The following CTIF variants were observed in gnomAD, a reference collection of about 807,000 sequenced individuals.
CTIF encodes CBP80/20-dependent translation initiation factor.
CTIF carries 21 observed loss-of-function variants against 66.0 expected under a neutral mutation model. The ratio of observed to expected loss-of-function variants is 0.32; its 90% confidence interval spans 0.23 to 0.46. The LOEUF (loss-of-function observed/expected upper bound fraction) is 0.46. CTIF is among the 20% of genes least tolerant of loss of function. CTIF has a pLI of 1.00. For synonymous variants in CTIF, 345 were observed against 326.4 expected (o/e 1.06, Z -0.62); for missense variants, 739 against 812.7 (o/e 0.91, Z 1.10).
chr18:48,684,359 G>A (rs544053468), intron 6 of CTIF, among the ~76,000 whole-genome samples: 45 of 152,104 alleles, frequency 3.0e-4, no homozygotes, highest in Admixed American at 5.2e-4. Flanking sequence ...CAAGTGACCC[G>A]TTCCATTCCT....
intron 2 of CTIF, among the ~76,000 whole-genome samples, chr18:48,624,822 G>A (rs1363141705): frequency 6.6e-6 from 1 of 152,202 alleles, no homozygotes; most frequent in Non-Finnish European, 1.5e-5. Context: ...GGAACCCTAT[G>A]AAGATACATT....
chr18:48,804,236 A>C (rs1218876186), intron 9 of CTIF, among the ~76,000 whole-genome samples: 4 of 152,212 alleles, frequency 2.6e-5, no homozygotes, highest in Non-Finnish European at 4.4e-5. Flanking sequence ...GAACTCAAGC[A>C]AACTTGTCCC....
chr18:48,784,560 G>A (rs1911540870), intron 9 of CTIF, among the ~76,000 whole-genome samples: 1 of 152,068 alleles, frequency 6.6e-6, no homozygotes, highest in African/African-American at 2.4e-5. Flanking sequence ...CTCCTGGTTG[G>A]CATCTTTGGC....
At chr18:48,615,350 A>C (rs11875657) in intron 1 of CTIF, among the ~76,000 whole-genome samples, 2 of 152,166 alleles carry the variant, frequency 1.3e-5, no homozygotes, top group East Asian at 3.9e-4. Context: ...TGTGACTGAG[A>C]TGAAGCTTGG....
intron 10 of CTIF, among the ~76,000 whole-genome samples, chr18:48,839,212 T>A (rs2068882637): frequency 6.6e-6 from 1 of 152,108 alleles, no homozygotes; most frequent in African/African-American, 2.4e-5. Flanking sequence ...CTGTTCTCAG[T>A]CTCACCCTGC....
chr18:48,801,570 A>G (rs1256439756), intron 9 of CTIF, among the ~76,000 whole-genome samples: 2 of 152,260 alleles, frequency 1.3e-5, no homozygotes, highest in Non-Finnish European at 2.9e-5. Flanking sequence ...AGGCCGAGTC[A>G]TTCTGGAATC....
intron 3 of CTIF, among the ~76,000 whole-genome samples, chr18:48,661,137 G>T (rs117144322): frequency 0.01 from 1,561 of 152,340 alleles, 15 homozygotes; most frequent in Non-Finnish European, 0.016. Context: ...AGAGAAAGAG[G>T]CAGTCCAGTG....
intron 10 of CTIF, among the ~76,000 whole-genome samples, chr18:48,843,750 G>A (rs1297955977): frequency 1.3e-5 from 2 of 152,150 alleles, no homozygotes; most frequent in Non-Finnish European, 2.9e-5. Context: ...GATGACAGGT[G>A]AAAACTGGAA....
chr18:48,629,251 C>T (rs915718214), intron 2 of CTIF, among the ~76,000 whole-genome samples: 1 of 152,200 alleles, frequency 6.6e-6, no homozygotes, highest in African/African-American at 2.4e-5. Flanking sequence ...GGGTGTCTGA[C>T]GCCACCCTCG....
chr18:48,797,020 C>T (rs1382371070), intron 9 of CTIF, among the ~76,000 whole-genome samples: 1 of 152,212 alleles, frequency 6.6e-6, no homozygotes, highest in African/African-American at 2.4e-5. Flanking sequence ...CTCCCTCTGC[C>T]CAGGTCTCCA....
intron 9 of CTIF, among the ~76,000 whole-genome samples, chr18:48,786,264 G>A (rs1041542608): frequency 9.2e-5 from 14 of 152,142 alleles, no homozygotes; most frequent in Admixed American, 6.5e-5. Flanking sequence ...CCCAAGTCAC[G>A]ATTGGTCCCT....
At chr18:48,545,051 G>A (rs1017247157) in intron 1 of CTIF, among the ~76,000 whole-genome samples, 6 of 152,170 alleles carry the variant, frequency 3.9e-5, no homozygotes, top group African/African-American at 1.2e-4. Context: ...TAAAGGAGAC[G>A]GCTCAGGAGC....
chr18:48,620,149 G>A (rs2144414416), intron 2 of CTIF, among the ~76,000 whole-genome samples: 1 of 152,324 alleles, frequency 6.6e-6, no homozygotes, highest in African/African-American at 2.4e-5. Context: ...AATATTTTCT[G>A]TGATTTCAAA....
chr18:48,586,372 G>A (rs1042458571), intron 1 of CTIF, among the ~76,000 whole-genome samples: 4 of 150,908 alleles, frequency 2.7e-5, no homozygotes, highest in African/African-American at 4.9e-5. Flanking sequence ...CTTGATTCAA[G>A]CGATTCTCCT....
intron 7 of CTIF, among the ~76,000 whole-genome samples, chr18:48,745,064 C>T (rs567177787): frequency 3.0e-4 from 46 of 152,182 alleles, no homozygotes; most frequent in African/African-American, 9.6e-4. Flanking sequence ...CCATGTGATC[C>T]GCCTGCCTCG....
At chr18:48,713,958 G>A (rs544913732) in intron 7 of CTIF, among the ~76,000 whole-genome samples, 9 of 152,314 alleles carry the variant, frequency 5.9e-5, no homozygotes, top group Admixed American at 1.3e-4. Context: ...GGTAGAATCC[G>A]TTACTCACTC....
At chr18:48,688,562 A>C (rs2091879805) in intron 6 of CTIF, 1 of 152,212 alleles carries the variant, frequency 6.6e-6, no homozygotes, top group Non-Finnish European at 1.5e-5. Context: ...CCTAGTCACC[A>C]TTCTAAACCA....
rs374515809 is a variant in CTIF, at chr18:48,633,889, G to A, written c.181-2725G>A. 8.4e-4 allele frequency among the ~76,000 whole-genome samples: 128 copies of A among 152,246 alleles called. 2 individuals are homozygous for A. The highest frequency in any genetic ancestry group is 2.6e-3 in the African/African-American group (109 of 41,542). On this transcript the variant is annotated intron_variant, in intron 2 of 11. Transcript: ENST00000256413. ...CCAAACACTTGTCACTCACCTTGCC[G>A]TAATATGAACACCTTACATAACTAT...
intron 6 of CTIF, among the ~76,000 whole-genome samples, chr18:48,698,083 A>T (rs1413489267): frequency 1.6e-5 from 2 of 124,336 alleles, no homozygotes; most frequent in Non-Finnish European, 3.3e-5. Context: ...AAGTCAACTC[A>T]GTGGAAAATG....
Sources: gnomAD v4.1 joint callset for allele counts (sites outside exome capture counted in the v4.1 genomes callset) on GRCh38, gnomAD v4.1.1 for gene constraint, MANE v1.5 for transcripts, NCBI Gene and HGNC (gene_info 2026-07-23, HGNC 2026-07-21) for gene names.